FER: variants seen among roughly 807,000 people sequenced by gnomAD.
FER encodes FER tyrosine kinase.
A neutral mutation model predicts 111.0 loss-of-function variants in FER; 63 were observed. That is an observed-to-expected ratio of 0.57 (90% CI 0.46 to 0.70). The LOEUF (loss-of-function observed/expected upper bound fraction) is 0.70, where lower values mean the gene tolerates loss of function less well. Among genes scored for constraint, FER ranks in the 30% least tolerant of loss-of-function variants. The pLI, the probability that FER is intolerant of heterozygous loss-of-function variation, is 0.00. For missense variants in FER, 914 were observed against 954.0 expected (o/e 0.96, Z 0.55); for synonymous variants, 327 against 313.9 (o/e 1.04, Z -0.44).
intron 5 of FER, among the ~76,000 whole-genome samples, chr5:108,856,917 C>A (rs1467916320): frequency 1.3e-5 from 2 of 152,092 alleles, no homozygotes; most frequent in Non-Finnish European, 2.9e-5. Context: ...GGTTTCTTAT[C>A]TGTAGGCTAA....
At chr5:109,016,223 G>GTATCC (rs1767095381) in intron 13 of FER, among the ~76,000 whole-genome samples, 2 of 151,964 alleles carry the variant, frequency 1.3e-5, no homozygotes, top group African/African-American at 4.8e-5. Flanking sequence ...TCCTGTGTAG[G>GTATCC]GAAGCATACA....
intron 9 of FER, chr5:108,894,585 AC>A: frequency 2.5e-6 from 1 of 401,290 alleles, no homozygotes; most frequent in Non-Finnish European, 4.9e-6. Context: ...GAGTTCCACG[AC>A]CACATGCTTG....
chr5:108,817,103 CAAAAAAAAAAAAAAAA>C (rs70999913), intron 3 of FER, among the ~76,000 whole-genome samples: 23,477 of 59,950 alleles, frequency 0.39, 2,578 homozygotes, highest in Middle Eastern at 0.48. Context: ...GACACTGTCT[CAAAAAAAAAAAAAAAA>C]AAAAAAAAAA....
intron 3 of FER, among the ~76,000 whole-genome samples, chr5:108,816,613 C>T (rs1758308655): frequency 6.6e-6 from 1 of 152,116 alleles, no homozygotes; most frequent in Non-Finnish European, 1.5e-5. Context: ...CCCATTTGTC[C>T]ATAAGCCCTG....
At chr5:108,884,354 A>G (rs536686867) in intron 9 of FER, among the ~76,000 whole-genome samples, 1 of 152,008 alleles carries the variant, frequency 6.6e-6, no homozygotes. Flanking sequence ...TAGTGAGCAG[A>G]TGGACATCCA....
rs1464481598 is a variant in FER, at chr5:108,954,637, T to C, written c.1330-92T>C. The C allele has an allele frequency of 3.1e-6, 3 of 970,992 alleles. No individual in the cohort carries two copies. In the East Asian group the frequency reaches 8.2e-5, roughly 26 times the overall value. The allele number at this position is 970,992 out of a possible 1,614,324, so 60.1% of individuals were successfully genotyped here. A position where few individuals can be genotyped will look rare whatever the true frequency, so the allele number is the denominator to read the frequency against. On this transcript the variant is annotated intron_variant, in intron 11 of 19. Transcript: ENST00000281092. ...ATTGGTCAATTAAAGGGAGGAACATTTGTAAGAAGCCTTTATAGTTGCTAT... is the reference window on the plus strand; with the variant it reads ...ATTGGTCAATTAAAGGGAGGAACATCTGTAAGAAGCCTTTATAGTTGCTAT...
intron 5 of FER, among the ~76,000 whole-genome samples, chr5:108,854,379 C>T (rs1184602861): frequency 6.6e-6 from 1 of 152,070 alleles, no homozygotes; most frequent in African/African-American, 2.4e-5. Context: ...CAACAAAATT[C>T]ACAAAAATGT....
At chr5:108,756,720 G>T (rs1279910677) in intron 1 of FER, among the ~76,000 whole-genome samples, 1 of 151,910 alleles carries the variant, frequency 6.6e-6, no homozygotes, top group African/African-American at 2.4e-5. Context: ...TCTTTATGTA[G>T]ATTTATATAC....
intron 13 of FER, among the ~76,000 whole-genome samples, chr5:108,961,112 A>T (rs7719638): frequency 0.14 from 21,207 of 152,174 alleles, 1,886 homozygotes; most frequent in African/African-American, 0.25. Context: ...TGTATGCTTA[A>T]TTATTCATGT....
intron 2 of FER, among the ~76,000 whole-genome samples, chr5:108,794,311 A>G (rs751437328): frequency 2.0e-5 from 3 of 148,444 alleles, no homozygotes; most frequent in Admixed American, 6.8e-5. Context: ...TCCGCCTCCC[A>G]GGTTCAAGTG....
intron 10 of FER, among the ~76,000 whole-genome samples, chr5:108,902,048 C>T (rs1012097241): frequency 1.3e-5 from 2 of 152,164 alleles, no homozygotes; most frequent in African/African-American, 4.8e-5. Flanking sequence ...CTCTACTTCT[C>T]TGAACTTAAC....
chr5:108,926,432 G>T (rs1259385666), intron 10 of FER, among the ~76,000 whole-genome samples: 1 of 152,014 alleles, frequency 6.6e-6, no homozygotes, highest in African/African-American at 2.4e-5. Context: ...ATTCTGTTCA[G>T]AGTAAATAGA....
chr5:108,801,561 A>C (rs1381548561), intron 3 of FER, among the ~76,000 whole-genome samples: 9 of 152,166 alleles, frequency 5.9e-5, no homozygotes, highest in Non-Finnish European at 1.3e-4. Context: ...CCACACATTT[A>C]ATTCCTTTTC....
At chr5:108,914,643 C>T (rs564748959) in intron 10 of FER, among the ~76,000 whole-genome samples, 58 of 152,048 alleles carry the variant, frequency 3.8e-4, no homozygotes, top group Middle Eastern at 3.4e-3. Context: ...AATGCAGGAG[C>T]GGTGAAATCA....
At chr5:109,184,734 A>C (rs554509563) in intron 18 of FER, among the ~76,000 whole-genome samples, 3 of 152,356 alleles carry the variant, frequency 2.0e-5, no homozygotes, top group East Asian at 3.9e-4. Context: ...ATTACTATCT[A>C]TCTACTAAGA....
At chr5:108,834,414 C>T (rs1463297295) in intron 4 of FER, among the ~76,000 whole-genome samples, 1 of 152,078 alleles carries the variant, frequency 6.6e-6, no homozygotes, top group African/African-American at 2.4e-5. Flanking sequence ...AAAAAGTTTT[C>T]TGGCTGGGTG....
chr5:108,875,752 A>G (rs1447252838), intron 8 of FER, among the ~76,000 whole-genome samples: 1 of 152,186 alleles, frequency 6.6e-6, no homozygotes, highest in Non-Finnish European at 1.5e-5. Flanking sequence ...TTATTCTAAA[A>G]TAATATAAGC....
intron 1 of FER, among the ~76,000 whole-genome samples, chr5:108,758,723 A>T (rs1751393308): frequency 6.6e-6 from 1 of 152,172 alleles, no homozygotes; most frequent in African/African-American, 2.4e-5. Context: ...AATTACTGGA[A>T]CTAGGAATAG....
At chr5:108,782,370 T>G (rs967706546) in intron 2 of FER, among the ~76,000 whole-genome samples, 1 of 152,096 alleles carries the variant, frequency 6.6e-6, no homozygotes, top group African/African-American at 2.4e-5. Flanking sequence ...TCCTCCCCCT[T>G]CAACCTCCTG....
Sources: allele counts gnomAD v4.1 joint callset (sites outside exome capture counted in the v4.1 genomes callset), GRCh38; gene constraint gnomAD v4.1.1; transcripts MANE v1.5; gene names NCBI Gene and HGNC (gene_info 2026-07-23, HGNC 2026-07-21).